GRIN3A: variants seen among roughly 807,000 people sequenced by gnomAD.
The protein encoded by GRIN3A is glutamate receptor ionotropic, NMDA 3A.
In GRIN3A, 47 loss-of-function variants were observed where a neutral mutation model predicts 92.4. The ratio of observed to expected loss-of-function variants is 0.51; its 90% CI spans 0.40 to 0.65. The LOEUF (loss-of-function observed/expected upper bound fraction) is 0.65. GRIN3A is among the 30% of genes least tolerant of loss of function. The pLI is 0.00. For synonymous variants in GRIN3A, 527 were observed against 540.6 expected, an observed-to-expected ratio of 0.97 and a Z score of 0.35; for missense variants, 1,324 against 1,393.1, an observed-to-expected ratio of 0.95 and a Z score of 0.79.
chr9:101,617,628 A>T (rs62577394), intron 5 of GRIN3A, among the ~76,000 whole-genome samples: 17,674 of 150,642 alleles, frequency 0.12, 1,825 homozygotes, highest in African/African-American at 0.29. Context: ...TTATTTATTT[A>T]TTTTGTGTGT....
At chr9:101,724,166 G>A (rs1020583578) in intron 1 of GRIN3A, among the ~76,000 whole-genome samples, 12 of 142,666 alleles carry the variant, frequency 8.4e-5, no homozygotes, top group African/African-American at 3.0e-4. Context: ...GGAGCAGGGG[G>A]TGGCGTTCGT....
intron 3 of GRIN3A, among the ~76,000 whole-genome samples, chr9:101,630,870 C>A (rs1828701421): frequency 6.6e-6 from 1 of 152,216 alleles, no homozygotes; most frequent in African/African-American, 2.4e-5. Context: ...AGTTACCTAT[C>A]ACGACCTTTG....
intron 6 of GRIN3A, among the ~76,000 whole-genome samples, chr9:101,597,993 A>G (rs1029322075): frequency 6.6e-6 from 1 of 152,188 alleles, no homozygotes; most frequent in Non-Finnish European, 1.5e-5. Flanking sequence ...CAGCAAAAAC[A>G]TTTTCATACT....
At chr9:101,613,321 G>C (rs1588248259) in intron 6 of GRIN3A, 55 bp downstream of exon 6, 2 of 1,570,846 alleles carry the variant, frequency 1.3e-6, no homozygotes, top group East Asian at 4.5e-5. Context: ...ATTTCCTTAT[G>C]TTCTCTGAGG....
At chr9:101,719,147 A>T (rs1829979592) in intron 1 of GRIN3A, among the ~76,000 whole-genome samples, 1 of 152,140 alleles carries the variant, frequency 6.6e-6, no homozygotes, top group Non-Finnish European at 1.5e-5. Flanking sequence ...GGCCGGGCGC[A>T]GTGGCTCATG....
At chr9:101,674,867 A>C (rs1439312200) in intron 2 of GRIN3A, among the ~76,000 whole-genome samples, 1 of 152,114 alleles carries the variant, frequency 6.6e-6, no homozygotes, top group Non-Finnish European at 1.5e-5. Context: ...TTAGAAAATA[A>C]CATAGGGAAA....
intron 6 of GRIN3A, chr9:101,593,520 C>T (rs1346425635): frequency 1.3e-5 from 2 of 152,284 alleles, no homozygotes; most frequent in African/African-American, 4.8e-5. Context: ...ACTCTACTGC[C>T]TCTCCTCCGT....
chr9:101,687,273 T>G, intron 1 of GRIN3A, 73 bp from the exon 2 acceptor site: 5 of 1,460,032 alleles, frequency 3.4e-6, no homozygotes, highest in Non-Finnish European at 4.8e-6. Context: ...TACTTTTGCT[T>G]TCTTATGAGG....
chr9:101,584,558 A>G (rs1827927154), intron 6 of GRIN3A, among the ~76,000 whole-genome samples: 1 of 152,216 alleles, frequency 6.6e-6, no homozygotes, highest in African/African-American at 2.4e-5. Flanking sequence ...ACAGGTGTCT[A>G]AGAGTGTTTT....
intron 8 of GRIN3A, among the ~76,000 whole-genome samples, chr9:101,576,176 G>T (rs1315699590): frequency 6.6e-6 from 1 of 152,154 alleles, no homozygotes; most frequent in Non-Finnish European, 1.5e-5. Context: ...AGTGTTACAT[G>T]ACCAGTGAGT....
chr9:101,720,598 G>T (rs376681286), intron 1 of GRIN3A, among the ~76,000 whole-genome samples: 1 of 152,194 alleles, frequency 6.6e-6, no homozygotes, highest in South Asian at 2.1e-4. Flanking sequence ...CCTGGCCAGA[G>T]GTCTTAACAA....
intron 1 of GRIN3A, among the ~76,000 whole-genome samples, chr9:101,725,590 C>G (rs1320503771): frequency 6.6e-6 from 1 of 152,186 alleles, no homozygotes; most frequent in Non-Finnish European, 1.5e-5. Context: ...GGCCTTGCCA[C>G]ACACAAAGAG....
intron 3 of GRIN3A, among the ~76,000 whole-genome samples, chr9:101,647,616 T>C (rs552160890): frequency 6.6e-6 from 1 of 152,144 alleles, no homozygotes; most frequent in African/African-American, 2.4e-5. Context: ...AGTGAAATTG[T>C]CAGCTCCTGG....
intron 6 of GRIN3A, among the ~76,000 whole-genome samples, chr9:101,599,980 A>T (rs1828190379): frequency 6.6e-6 from 1 of 152,150 alleles, no homozygotes; most frequent in Non-Finnish European, 1.5e-5. Flanking sequence ...CAGGTTTGTC[A>T]TCTGTTTGGT....
chr9:101,601,924 C>A (rs562478470), intron 6 of GRIN3A, among the ~76,000 whole-genome samples: 17 of 152,188 alleles, frequency 1.1e-4, no homozygotes, highest in African/African-American at 4.1e-4. Context: ...AGAATTAGGA[C>A]CTCAGAACCT....
intron 3 of GRIN3A, among the ~76,000 whole-genome samples, chr9:101,631,380 G>A: frequency 6.6e-6 from 1 of 152,064 alleles, no homozygotes; most frequent in East Asian, 1.9e-4. Context: ...AAGGTAAAAG[G>A]GCTGTAGAAT....
chr9:101,573,449 G>A lies in GRIN3A; in HGVS notation c.3073C>T (p.Arg1025Trp), dbSNP rs78611801. 8.1e-6 allele frequency: 13 copies of A among 1,613,896 alleles called. No individual in the cohort carries two copies. Among genetic ancestry groups the A allele is most frequent in the African/African-American group, 4.0e-5 (3 of 74,884 alleles). The change falls in exon 9 of 9, where the codon CGG (arginine) becomes TGG (tryptophan). Residue 1025 changes from arginine (R) to tryptophan (W), a missense_variant. Transcript: ENST00000361820. ...NTSNLSHDNR[R>W]KYIFSDEEGQ... ...TCCTCATCACTAAAGATGTATTTCC[G>A]TCGGTTGTCATGACTCAGATTGGAA...
chr9:101,652,459 G>A (rs1286237864), intron 3 of GRIN3A, among the ~76,000 whole-genome samples: 1 of 151,848 alleles, frequency 6.6e-6, no homozygotes, highest in Non-Finnish European at 1.5e-5. Flanking sequence ...TGTGTTTGAG[G>A]TACTCTCCTG....
intron 5 of GRIN3A, among the ~76,000 whole-genome samples, chr9:101,617,006 C>G (rs1329471213): frequency 6.6e-6 from 1 of 150,834 alleles, no homozygotes; most frequent in Admixed American, 6.6e-5. Context: ...GGAGACCATC[C>G]TGACTAACAC....
Sources: gnomAD v4.1 joint callset for allele counts (sites outside exome capture counted in the v4.1 genomes callset) on GRCh38, gnomAD v4.1.1 for gene constraint, MANE v1.5 for transcripts, NCBI Gene and HGNC (gene_info 2026-07-23, HGNC 2026-07-21) for gene names.